The following DRG1 variants were observed in gnomAD, a reference collection of about 807,000 sequenced individuals.
The protein encoded by DRG1 is developmentally-regulated GTP-binding protein 1.
A neutral mutation model predicts 38.8 loss-of-function variants in DRG1; 19 were observed. The ratio of observed to expected loss-of-function variants is 0.49; its 90% confidence interval spans 0.34 to 0.72. DRG1 has a LOEUF of 0.72. Ranked by LOEUF, DRG1 falls within the 30% of genes least tolerant of loss-of-function variation. The pLI, the probability that DRG1 is intolerant of heterozygous loss-of-function variation, is 0.01. For synonymous variants in DRG1, 167 were observed against 157.5 expected (o/e 1.06, Z -0.45); for missense variants, 299 against 444.8 (o/e 0.67, Z 2.95).
intron 6 of DRG1, among the ~76,000 whole-genome samples, chr22:31,425,837 TC>T (rs2050107020): frequency 6.6e-6 from 1 of 152,232 alleles, no homozygotes; most frequent in South Asian, 2.1e-4. Flanking sequence ...AGTCATTTGT[TC>T]CTGTATGTTG....
chr22:31,403,977 C>CTTTTT (rs11295429), intron 3 of DRG1, among the ~76,000 whole-genome samples: 18 of 81,786 alleles, frequency 2.2e-4, no homozygotes, highest in Admixed American at 5.6e-4. Context: ...AAGAGAATAA[C>CTTTTT]TTTTTTTTTT....
chr22:31,430,912 C>G (rs2050134906), intron 8 of DRG1, among the ~76,000 whole-genome samples: 1 of 150,604 alleles, frequency 6.6e-6, no homozygotes, highest in Non-Finnish European at 1.5e-5. Context: ...GAGACAGGGT[C>G]TCCCTATGTT....
At chr22:31,424,800 G>GT (rs1555899163) in intron 6 of DRG1, among the ~76,000 whole-genome samples, 1 of 15,308 alleles carries the variant, frequency 6.5e-5, no homozygotes, top group Non-Finnish European at 1.1e-4. Context: ...CCCGGCACCC[G>GT]CCCCCCCCCC....
intron 1 of DRG1, among the ~76,000 whole-genome samples, chr22:31,400,306 A>G (rs987077287): frequency 7.2e-5 from 11 of 151,950 alleles, no homozygotes; most frequent in African/African-American, 2.2e-4. Flanking sequence ...GCGCTTTACA[A>G]TTAGGAAAGT....
intron 8 of DRG1, among the ~76,000 whole-genome samples, chr22:31,430,187 T>C (rs1046864403): frequency 6.6e-6 from 1 of 152,200 alleles, no homozygotes; most frequent in Non-Finnish European, 1.5e-5. Context: ...AGCATGCTCA[T>C]TGTTAGCAAG....
rs970790156 is a variant in DRG1, at chr22:31,407,807, G to A, written c.343-3205G>A. Among the ~76,000 whole-genome samples, 4 of 149,986 alleles carry A rather than the reference G, an allele frequency of 2.7e-5. No homozygotes were observed. The South Asian group carries it at 8.4e-4, about 32-fold the overall frequency. On this transcript the variant is annotated intron_variant, in intron 3 of 8. Coordinates refer to ENST00000331457, the MANE Select transcript of DRG1 (RefSeq NM_004147.4). ...ATTTCTGTAATTTCTTATATTCTTAGAGCAAAGCATATCTGATTTAAATTA... is the reference window on the plus strand; with the variant it reads ...ATTTCTGTAATTTCTTATATTCTTAAAGCAAAGCATATCTGATTTAAATTA...
chr22:31,414,780 CTTTT>C (rs1171073361), intron 4 of DRG1, among the ~76,000 whole-genome samples: 1 of 132,228 alleles, frequency 7.6e-6, no homozygotes, highest in Non-Finnish European at 1.6e-5. Flanking sequence ...GGCACATTTT[CTTTT>C]TTTTTTTTTT....
At chr22:31,414,365 T>C (rs2050033323) in intron 4 of DRG1, among the ~76,000 whole-genome samples, 1 of 152,104 alleles carries the variant, frequency 6.6e-6, no homozygotes, top group Non-Finnish European at 1.5e-5. Context: ...TGATCTTAGC[T>C]GAGGCGGGAG....
intron 3 of DRG1, among the ~76,000 whole-genome samples, chr22:31,409,769 G>T (rs536550505): frequency 1.1e-4 from 16 of 152,142 alleles, no homozygotes; most frequent in African/African-American, 3.9e-4. Context: ...TGAGGTGGGT[G>T]GATTGCCTGA....
intron 2 of DRG1, among the ~76,000 whole-genome samples, chr22:31,402,525 T>C (rs927720311): frequency 1.2e-4 from 18 of 148,058 alleles, no homozygotes; most frequent in South Asian, 4.3e-4. Context: ...TTTTTTTTTT[T>C]CGAGACAGGG....
At chr22:31,408,752 CAAAAAAA>C (rs66474618) in intron 3 of DRG1, among the ~76,000 whole-genome samples, 177 of 111,460 alleles carry the variant, frequency 1.6e-3, no homozygotes, top group Middle Eastern at 9.0e-3. Context: ...GACTCATTCT[CAAAAAAA>C]AAAAAAAAAA....
intron 4 of DRG1, among the ~76,000 whole-genome samples, chr22:31,417,416 A>G (rs570904626): frequency 6.6e-6 from 1 of 151,972 alleles, no homozygotes; most frequent in East Asian, 1.9e-4. Context: ...TTGGTGGCTC[A>G]TGCCTGTAAT....
intron 4 of DRG1, among the ~76,000 whole-genome samples, chr22:31,411,889 T>G (rs923079522): frequency 6.6e-6 from 1 of 152,136 alleles, no homozygotes; most frequent in Non-Finnish European, 1.5e-5. Context: ...CTCAGAAATT[T>G]GAAGAACGCT....
intron 4 of DRG1, among the ~76,000 whole-genome samples, chr22:31,414,025 C>A (rs999328263): frequency 1.4e-4 from 21 of 152,154 alleles, no homozygotes; most frequent in Admixed American, 1.1e-3. Flanking sequence ...ATCACTCCAT[C>A]CTTGGAGTAT....
At chr22:31,403,492 A>AC (rs1386310565) in intron 3 of DRG1, among the ~76,000 whole-genome samples, 124 of 151,824 alleles carry the variant, frequency 8.2e-4, no homozygotes, top group Middle Eastern at 3.4e-3. Context: ...ACATGGAGAA[A>AC]CCCCATCTCT....
chr22:31,425,704 G>T (rs1334386980), intron 6 of DRG1, among the ~76,000 whole-genome samples: 1 of 152,180 alleles, frequency 6.6e-6, no homozygotes, highest in Admixed American at 6.6e-5. Flanking sequence ...GCCTCCCAAC[G>T]TGTTGGGATT....
At chr22:31,432,980 A>G (rs1402997517) in intron 8 of DRG1, among the ~76,000 whole-genome samples, 1 of 151,984 alleles carries the variant, frequency 6.6e-6, no homozygotes, top group Admixed American at 6.6e-5. Context: ...TGTCTTATTC[A>G]CCAGTTTTCA....
chr22:31,412,408 T>C (rs2050023052), intron 4 of DRG1, among the ~76,000 whole-genome samples: 1 of 148,480 alleles, frequency 6.7e-6, no homozygotes, highest in South Asian at 2.2e-4. Flanking sequence ...TAGAATGCTG[T>C]GGTGCCATCT....
At chr22:31,418,521 T>C (rs1200622379) in intron 4 of DRG1, among the ~76,000 whole-genome samples, 1 of 152,048 alleles carries the variant, frequency 6.6e-6, no homozygotes, top group Admixed American at 6.6e-5. Context: ...ATATTTTTTT[T>C]TTTCTGAGAT....
Sources: gnomAD v4.1 joint callset for allele counts (sites outside exome capture counted in the v4.1 genomes callset) on GRCh38, gnomAD v4.1.1 for gene constraint, MANE v1.5 for transcripts, NCBI Gene and HGNC (gene_info 2026-07-23, HGNC 2026-07-21) for gene names.